PITPNM3: variants seen among roughly 807,000 people sequenced by gnomAD.
PITPNM3 encodes the protein membrane-associated phosphatidylinositol transfer protein 3.
PITPNM3 carries 26 observed loss-of-function variants against 102.0 expected under a neutral mutation model. That is an observed-to-expected ratio of 0.25 (90% CI 0.19 to 0.35). The LOEUF (loss-of-function observed/expected upper bound fraction) is 0.35. Among genes scored for constraint, PITPNM3 ranks in the 10% least tolerant of loss-of-function variants. PITPNM3 has a pLI of 1.00. For missense variants in PITPNM3, 1,083 were observed against 1,346.1 expected (o/e 0.80, Z 3.06); for synonymous variants, 578 against 558.6 (o/e 1.03, Z -0.49).
intron 4 of PITPNM3, among the ~76,000 whole-genome samples, chr17:6,489,911 G>A (rs1332253852): frequency 6.6e-6 from 1 of 152,002 alleles, no homozygotes; most frequent in Non-Finnish European, 1.5e-5. Flanking sequence ...GGCTGAGGCA[G>A]AAGAATCGCT....
chr17:6,523,165 T>A (rs757951567), intron 3 of PITPNM3, among the ~76,000 whole-genome samples: 1 of 152,188 alleles, frequency 6.6e-6, no homozygotes, highest in Non-Finnish European at 1.5e-5. Context: ...CCTTCATTCA[T>A]GAGCATCAGG....
At chr17:6,482,640 T>A (rs940898808) in intron 6 of PITPNM3, among the ~76,000 whole-genome samples, 2 of 152,062 alleles carry the variant, frequency 1.3e-5, no homozygotes, top group African/African-American at 4.8e-5. Context: ...TTTGGGGCAG[T>A]CTTGTGGGAC....
intron 4 of PITPNM3, among the ~76,000 whole-genome samples, chr17:6,486,600 A>C (rs1019468685): frequency 3.9e-5 from 6 of 152,356 alleles, no homozygotes; most frequent in Admixed American, 3.3e-4. Flanking sequence ...ATCATTTCCT[A>C]AATGATGGAG....
chr17:6,532,102 G>A (rs529117612), intron 2 of PITPNM3, among the ~76,000 whole-genome samples: 2 of 149,130 alleles, frequency 1.3e-5, no homozygotes, highest in East Asian at 2.0e-4. Context: ...GTGAAACTCC[G>A]TCTAAAAAAA....
intron 4 of PITPNM3, among the ~76,000 whole-genome samples, chr17:6,488,272 T>C (rs574520883): frequency 6.6e-6 from 1 of 152,328 alleles, no homozygotes; most frequent in East Asian, 1.9e-4. Context: ...GTCCTTGCCT[T>C]TGCTCATGCT....
intron 3 of PITPNM3, among the ~76,000 whole-genome samples, chr17:6,508,912 C>T (rs1907706970): frequency 6.6e-6 from 1 of 152,174 alleles, no homozygotes; most frequent in African/African-American, 2.4e-5. Flanking sequence ...TTAGCAGGCT[C>T]CCAGGACGAG....
intron 1 of PITPNM3, among the ~76,000 whole-genome samples, chr17:6,540,142 G>A (rs764965434): frequency 3.9e-5 from 6 of 152,178 alleles, no homozygotes; most frequent in Non-Finnish European, 7.4e-5. Flanking sequence ...CTCCATTTGA[G>A]GGAGCAAGTT....
intron 4 of PITPNM3, among the ~76,000 whole-genome samples, chr17:6,486,181 C>T (rs1360574500): frequency 6.6e-6 from 1 of 152,188 alleles, no homozygotes; most frequent in African/African-American, 2.4e-5. Context: ...CCTTCCTCCC[C>T]CATGAGATGG....
chr17:6,535,710 G>A (rs1050549805), intron 2 of PITPNM3, among the ~76,000 whole-genome samples: 3 of 151,964 alleles, frequency 2.0e-5, no homozygotes, highest in Non-Finnish European at 4.4e-5. Context: ...CTTGAGGTAA[G>A]GAGTTCAAGA....
chr17:6,476,826 C>A (rs966672687), intron 9 of PITPNM3, among the ~76,000 whole-genome samples: 8 of 152,342 alleles, frequency 5.3e-5, no homozygotes, highest in African/African-American at 1.7e-4. Flanking sequence ...GGACAGGGAA[C>A]CAGGTTCCAG....
rs1245764378 is a variant in PITPNM3, at chr17:6,544,507, G to A, written c.23-6425C>T. 2.0e-5 allele frequency among the ~76,000 whole-genome samples: 3 copies of A among 152,066 alleles called. No homozygotes were observed. The South Asian group carries it at 6.2e-4, about 31-fold the overall frequency. ...TGATCATGCCACTGCCCTCCAGCCT[G>A]GGGAACAGAGTGAGCCTCTGTCTCA... is the stretch of plus-strand genomic sequence containing the variant. On this transcript the variant is annotated intron_variant, in intron 1 of 19. Coordinates refer to ENST00000262483, the MANE Select transcript of PITPNM3 (RefSeq NM_031220.4).
chr17:6,457,447 A>T lies in PITPNM3; in HGVS notation c.2619+147T>A. On this transcript the variant is annotated intron_variant, in intron 19 of 19. Transcript: ENST00000262483. This position sits in a 1 kb window ranked among gnomAD's most constrained non-coding sequence, Gnocchi z 4.7. ...CCCAACACAGGCCCTGGCCCAAGGC[A>T]GGCACCCCGAAGTGTTTGTTGAATA... 10 of 1,341,054 alleles carry T rather than the reference A, an allele frequency of 7.5e-6. No homozygotes were observed. The highest frequency in any genetic ancestry group is 9.2e-6 in the Non-Finnish European group (9 of 982,034). The allele number at this position is 1,341,054 out of a possible 1,614,324, so 83.1% of individuals were successfully genotyped here. A position where few individuals can be genotyped will look rare whatever the true frequency, so the allele number is the denominator to read the frequency against.
intron 2 of PITPNM3, among the ~76,000 whole-genome samples, 156 bp from the exon 3 acceptor site, chr17:6,525,619 C>G (rs1158831450): frequency 6.6e-6 from 1 of 152,158 alleles, no homozygotes; most frequent in East Asian, 1.9e-4. Context: ...TAGACAGTTA[C>G]AAGACTTGCA....
intron 1 of PITPNM3, among the ~76,000 whole-genome samples, chr17:6,541,403 G>A (rs544602689): frequency 9.2e-5 from 14 of 152,078 alleles, no homozygotes; most frequent in Middle Eastern, 3.4e-3. Flanking sequence ...AGAACTGCAA[G>A]GGTAAATTCC....
At position 6,544,985 on chromosome 17, in the gene PITPNM3, G is replaced by A. The variant is rs73975610; in HGVS notation, c.23-6903C>T. On this transcript the variant is annotated intron_variant, in intron 1 of 19. Coordinates refer to ENST00000262483, the MANE Select transcript of PITPNM3 (RefSeq NM_031220.4). ...GTGCAGTGCTTCCTACAGCCTGGCC[G>A]AGGCTCCTGCGGACAGGCAGGTGAC... Among the ~76,000 whole-genome samples the A allele has an allele frequency of 4.7e-3, 720 of 152,198 alleles. 6 individuals carry two copies. The highest frequency in any genetic ancestry group is 0.016 in the African/African-American group (671 of 41,528).
rs985428915 is a variant in PITPNM3 at position 6,451,964 on chromosome 17, TA to T, written c.*3373del. 3 of 134,786 alleles carry T rather than the reference TA, an allele frequency of 2.2e-5. No homozygotes were observed. Among genetic ancestry groups the T allele is most frequent in the African/African-American group, 8.2e-5 (3 of 36,630 alleles). 8.3% of individuals were successfully genotyped at this position (134,786 alleles called of 1,614,324 possible). A position where few individuals can be genotyped will look rare whatever the true frequency, so the allele number is the denominator to read the frequency against. ...ACCCCTCCCGGGGCTGCACCTGGGCTAGGGGGGAGAGTGAGGATGCAGAGGA... is the reference window on the plus strand; with the variant it reads ...ACCCCTCCCGGGGCTGCACCTGGGCTGGGGGGAGAGTGAGGATGCAGAGGA... On this transcript the variant is annotated 3_prime_UTR_variant, in exon 20 of 20. Transcript: ENST00000262483.
intron 4 of PITPNM3, among the ~76,000 whole-genome samples, chr17:6,485,826 A>G (rs1483260940): frequency 2.0e-5 from 3 of 152,202 alleles, no homozygotes; most frequent in Non-Finnish European, 4.4e-5. Context: ...ACAGCCATGG[A>G]CCAAATCTGC....
intron 2 of PITPNM3, among the ~76,000 whole-genome samples, chr17:6,527,695 G>A (rs138289420): frequency 2.0e-3 from 305 of 152,300 alleles, no homozygotes; most frequent in African/African-American, 7.1e-3. Context: ...TTCAATCTAC[G>A]GTGAATAGAT....
chr17:6,486,942 T>C (rs1906129588), intron 4 of PITPNM3, among the ~76,000 whole-genome samples: 1 of 152,210 alleles, frequency 6.6e-6, no homozygotes, highest in African/African-American at 2.4e-5. Context: ...CTATGTCACT[T>C]GCCCCACGTA....
Sources: gnomAD v4.1 joint callset for allele counts (sites outside exome capture counted in the v4.1 genomes callset) on GRCh38, gnomAD v4.1.1 for gene constraint, Gnocchi (gnomAD v3.1) non-coding constraint, MANE v1.5 for transcripts, NCBI Gene and HGNC (gene_info 2026-07-23, HGNC 2026-07-21) for gene names.